The following NFATC1 variants were observed in gnomAD, a reference collection of about 807,000 sequenced individuals.
The protein encoded by NFATC1 is nuclear factor of activated T cells 1.
NFATC1 carries 22 observed loss-of-function variants against 76.0 expected under a neutral mutation model. The ratio of observed to expected loss-of-function variants is 0.29; its 90% CI spans 0.21 to 0.41. The LOEUF (loss-of-function observed/expected upper bound fraction) is 0.41, where lower values mean the gene tolerates loss of function less well. Among genes scored for constraint, NFATC1 ranks in the 10% least tolerant of loss-of-function variants. NFATC1 has a pLI of 1.00. For synonymous variants in NFATC1, 704 were observed against 613.1 expected (o/e 1.15, Z -2.19); for missense variants, 1,357 against 1,337.7 (o/e 1.01, Z -0.23).
Position 79,519,663 on chromosome 18 carries a change from C to T in NFATC1, c.2783-7865C>T, listed in dbSNP as rs117033982. Among the ~76,000 whole-genome samples the T allele has an allele frequency of 5.4e-3, 816 of 152,216 alleles. 6 individuals are homozygous for T. Among genetic ancestry groups the T allele is most frequent in the Non-Finnish European group, 9.7e-3 (658 of 68,020 alleles). ...CTTAGGTCAGTTTTTAAAACAACAG[C>T]AAGATTTTTTTTATGTTGTTTCTGC... is the stretch of plus-strand genomic sequence containing the variant. On this transcript the variant is annotated intron_variant, in intron 9 of 9. Transcript: ENST00000427363.
chr18:79,410,933 G>T lies in NFATC1; in HGVS notation c.658G>T (p.Gly220Cys). 1 of 1,604,302 alleles carries T rather than the reference G, an allele frequency of 6.2e-7. No individual in the cohort carries two copies. The highest frequency in any genetic ancestry group is 8.5e-7 in the Non-Finnish European group (1 of 1,176,392). ...VSPKTTDPEE[G>C]FPRGLGACTL... ...TCCCAAGACCACGGACCCCGAGGAG[G>T]GCTTTCCCCGCGGGCTGGGGGCCTG... Residue 220 changes from glycine to cysteine, a missense_variant, in exon 2 of 10, where the codon GGC becomes TGC. Coordinates refer to ENST00000427363, the MANE Select transcript of NFATC1 (RefSeq NM_001278669.2). This position sits in a 1 kb window ranked among gnomAD's most constrained non-coding sequence, Gnocchi z 6.7.
chr18:79,410,517 C>T lies in NFATC1; in HGVS notation c.242C>T (p.Pro81Leu), dbSNP rs2085630621. The change falls in exon 2 of 10, where the codon CCG becomes CTG. Residue 81 changes from proline to leucine, a missense_variant. Coordinates refer to ENST00000427363, the MANE Select transcript of NFATC1 (RefSeq NM_001278669.2). This position sits in a 1 kb window ranked among gnomAD's most constrained non-coding sequence, Gnocchi z 6.7. ...NLQTSTPGII[P>L]PADHPSGYGA... is the part of the protein sequence containing the mutation. ...CAGACCTCCACACCGGGCATCATCCCGCCGGCGGATCACCCCTCGGGGTAC... is the reference window on the plus strand; with the variant it reads ...CAGACCTCCACACCGGGCATCATCCTGCCGGCGGATCACCCCTCGGGGTAC... 3.7e-6 allele frequency: 6 copies of T among 1,611,800 alleles called. No homozygotes were observed. Among genetic ancestry groups the T allele is most frequent in the South Asian group, 2.2e-5 (2 of 91,084 alleles).
At position 79,458,691 on chromosome 18, in the gene NFATC1, C is replaced by T. The variant is rs148032529; in HGVS notation, c.1904-2620C>T. Among the ~76,000 whole-genome samples the T allele has an allele frequency of 1.5e-3, 231 of 152,368 alleles. 1 individual carries two copies. The highest frequency in any genetic ancestry group is 5.3e-3 in the African/African-American group (222 of 41,592). ...CTGAACACAAAGGCCCTTTCAGGAC[C>T]GGCTGCCTTCCTTCCTGCCAGGGGC... On this transcript the variant is annotated intron_variant, in intron 6 of 9. Transcript: ENST00000427363.
Position 79,405,770 on chromosome 18 carries a change from A to G in NFATC1, c.128-4633A>G, listed in dbSNP as rs1257689248. 3.9e-5 allele frequency among the ~76,000 whole-genome samples: 6 copies of G among 152,290 alleles called. No homozygotes were observed. In the Middle Eastern group the frequency reaches 0.01, roughly 259 times the overall value. On this transcript the variant is annotated intron_variant, in intron 1 of 9. Coordinates refer to ENST00000427363, the MANE Select transcript of NFATC1 (RefSeq NM_001278669.2). ...TTAGGTGAGCCCTTTTTGTTTTTTAATAAAGCTTTATGGTGTTTCTTTGCC... is the reference window on the plus strand; with the variant it reads ...TTAGGTGAGCCCTTTTTGTTTTTTAGTAAAGCTTTATGGTGTTTCTTTGCC...
intron 8 of NFATC1, among the ~76,000 whole-genome samples, chr18:79,474,350 T>C (rs1235649814): frequency 1.4e-5 from 2 of 141,556 alleles, no homozygotes; most frequent in African/African-American, 2.7e-5. Context: ...GTCGACGTTG[T>C]AAACCTGAGG....
At chr18:79,425,820 C>G (rs964992104) in intron 2 of NFATC1, among the ~76,000 whole-genome samples, 2 of 152,228 alleles carry the variant, frequency 1.3e-5, no homozygotes, top group Non-Finnish European at 2.9e-5. Context: ...GGTTGAGACA[C>G]AAGACCTGAG....
chr18:79,525,922 G>A (rs923591562), intron 9 of NFATC1, among the ~76,000 whole-genome samples: 14 of 152,242 alleles, frequency 9.2e-5, no homozygotes, highest in South Asian at 6.2e-4. Flanking sequence ...TCGAATTCTG[G>A]GGCATCCCTG....
chr18:79,410,297 G>A lies in NFATC1; in HGVS notation c.128-106G>A, dbSNP rs935439945. On this transcript the variant is annotated intron_variant, in intron 1 of 9. Transcript: ENST00000427363. The surrounding 1 kb of genome is among the most constrained non-coding windows in gnomAD (Gnocchi z 6.7). ...ACGTTTGCTGAGGCCCGCTCCTTGG[G>A]GTCCGTTGGTCGAGGCCGGGGGTTG... The A allele has an allele frequency of 6.6e-7, 1 of 1,506,806 alleles. No homozygotes were observed. The highest frequency in any genetic ancestry group is 2.1e-5 in the Admixed American group (1 of 48,400). 93.3% of individuals were successfully genotyped at this position (1,506,806 alleles called of 1,614,324 possible).
chr18:79,450,614 C>T (rs921639547), intron 4 of NFATC1, among the ~76,000 whole-genome samples: 1 of 152,128 alleles, frequency 6.6e-6, no homozygotes, highest in South Asian at 2.1e-4. Flanking sequence ...TGGAGGCAGC[C>T]AGGACTTGGG....
At chr18:79,510,496 G>C (rs757591506) in intron 9 of NFATC1, among the ~76,000 whole-genome samples, 2 of 152,248 alleles carry the variant, frequency 1.3e-5, no homozygotes, top group African/African-American at 4.8e-5. Flanking sequence ...AGGCGTGGTG[G>C]AGGGCTCTTG....
intron 3 of NFATC1, among the ~76,000 whole-genome samples, chr18:79,438,258 C>G (rs2086850601): frequency 1.3e-5 from 2 of 152,236 alleles, no homozygotes; most frequent in African/African-American, 4.8e-5. Flanking sequence ...AGATGTGTTC[C>G]TCACATGAGT....
Position 79,447,454 on chromosome 18 carries a change from A to G in NFATC1, c.1387-1328A>G, listed in dbSNP as rs115794097. 1.4e-3 allele frequency among the ~76,000 whole-genome samples: 212 copies of G among 152,344 alleles called. 1 individual carries two copies. Among genetic ancestry groups the G allele is most frequent in the African/African-American group, 4.7e-3 (197 of 41,572 alleles). On this transcript the variant is annotated intron_variant, in intron 3 of 9. Transcript: ENST00000427363. ...GTTGCCGTCTGTGGTCAAAGATTTT[A>G]AAGTTAGTTTAGTGAGAAAATCGAC... is the stretch of plus-strand genomic sequence containing the variant.
At chr18:79,518,971 C>A (rs1600991652) in intron 9 of NFATC1, among the ~76,000 whole-genome samples, 1 of 152,346 alleles carries the variant, frequency 6.6e-6, no homozygotes, top group African/African-American at 2.4e-5. Context: ...AACGGGGTCT[C>A]AGTCAAACCT....
At chr18:79,446,471 C>T (rs987501717) in intron 3 of NFATC1, among the ~76,000 whole-genome samples, 6 of 152,210 alleles carry the variant, frequency 3.9e-5, no homozygotes, top group East Asian at 1.9e-4. Context: ...TATTAAATCT[C>T]GGAAAATGGA....
At chr18:79,416,186 G>A (rs555273355) in intron 2 of NFATC1, among the ~76,000 whole-genome samples, 2 of 152,214 alleles carry the variant, frequency 1.3e-5, no homozygotes, top group East Asian at 1.9e-4. Flanking sequence ...CTGAGAAAAC[G>A]TTCACTCTCT....
At chr18:79,494,836 C>T (rs1299159776) in intron 9 of NFATC1, among the ~76,000 whole-genome samples, 5 of 123,806 alleles carry the variant, frequency 4.0e-5, no homozygotes, top group East Asian at 2.4e-4. Flanking sequence ...CGGGCACACG[C>T]CCCCCATGAA....
At chr18:79,476,565 C>G (rs2089079928) in intron 8 of NFATC1, among the ~76,000 whole-genome samples, 1 of 152,212 alleles carries the variant, frequency 6.6e-6, no homozygotes, top group Non-Finnish European at 1.5e-5. Flanking sequence ...GTCGCTGCCA[C>G]CTGAGACCCC....
rs990745218 is a variant in NFATC1, at chr18:79,450,353, C to G, written c.1590-601C>G. ...GGGTTTTACACACAAAAAATGAGGG[C>G]TTTTAAATATAGTGGAAATAATAGA... On this transcript the variant is annotated intron_variant, in intron 4 of 9. Transcript: ENST00000427363. Among the ~76,000 whole-genome samples the G allele has an allele frequency of 2.7e-5, 4 of 150,376 alleles. No homozygotes were observed. In the South Asian group the frequency reaches 8.4e-4, roughly 32 times the overall value.
chr18:79,473,796 G>A (rs970157068), intron 8 of NFATC1, among the ~76,000 whole-genome samples: 12 of 149,944 alleles, frequency 8.0e-5, no homozygotes, highest in Admixed American at 2.7e-4. Flanking sequence ...TGAGGGAAGC[G>A]TGTTCTCACG....
Sources: gnomAD v4.1 joint callset for allele counts (sites outside exome capture counted in the v4.1 genomes callset) on GRCh38, gnomAD v4.1.1 for gene constraint, Gnocchi (gnomAD v3.1) non-coding constraint, MANE v1.5 for transcripts, NCBI Gene and HGNC (gene_info 2026-07-23, HGNC 2026-07-21) for gene names.